Variants in LHFPL3 observed in about 807,000 individuals in gnomAD.
LHFPL3 encodes the protein LHFPL tetraspan subfamily member 3 protein.
Under a neutral mutation model 19.3 loss-of-function variants are expected in LHFPL3, and 5 were observed. That is an observed-to-expected ratio of 0.26 (90% confidence interval 0.14 to 0.54). The LOEUF (loss-of-function observed/expected upper bound fraction) is 0.54, where lower values mean the gene tolerates loss of function less well. LHFPL3 is among the 20% of genes least tolerant of loss of function. LHFPL3 has a pLI of 0.94. For missense variants in LHFPL3, 249 were observed against 307.4 expected (o/e 0.81, Z 1.42); for synonymous variants, 133 against 126.2 (o/e 1.05, Z -0.36).
intron 1 of LHFPL3, among the ~76,000 whole-genome samples, chr7:104,439,379 C>G (rs1792173708): frequency 7.9e-6 from 1 of 126,372 alleles, no homozygotes. Flanking sequence ...TCCTCATAAA[C>G]ATAGAAAAAA....
chr7:104,863,686 G>A (rs1286197071), intron 2 of LHFPL3, among the ~76,000 whole-genome samples: 1 of 152,230 alleles, frequency 6.6e-6, no homozygotes. Flanking sequence ...GTAGATAGAG[G>A]TGAGAACACC....
At chr7:104,660,361 T>C (rs576517981) in intron 1 of LHFPL3, among the ~76,000 whole-genome samples, 1 of 152,362 alleles carries the variant, frequency 6.6e-6, no homozygotes, top group South Asian at 2.1e-4. Flanking sequence ...AGCACAACCA[T>C]CCAGGTTTTG....
At chr7:104,655,677 G>A (rs1327438156) in intron 1 of LHFPL3, among the ~76,000 whole-genome samples, 1 of 152,224 alleles carries the variant, frequency 6.6e-6, no homozygotes, top group Non-Finnish European at 1.5e-5. Flanking sequence ...CTTTGGCAAG[G>A]TGCATCTTTT....
chr7:104,788,661 T>A (rs1047530775), intron 2 of LHFPL3, among the ~76,000 whole-genome samples: 2 of 152,220 alleles, frequency 1.3e-5, no homozygotes, highest in Non-Finnish European at 2.9e-5. Flanking sequence ...TCTCCCTGAC[T>A]TCCTCATGTG....
At chr7:104,878,544 C>A (rs183586012) in intron 2 of LHFPL3, among the ~76,000 whole-genome samples, 30 of 152,238 alleles carry the variant, frequency 2.0e-4, no homozygotes, top group South Asian at 1.2e-3. Flanking sequence ...CACTAACCAG[C>A]CATTCCCCCA....
chr7:104,611,243 G>T (rs934968997), intron 1 of LHFPL3, among the ~76,000 whole-genome samples: 1 of 152,204 alleles, frequency 6.6e-6, no homozygotes, highest in African/African-American at 2.4e-5. Flanking sequence ...CTCACAGCAA[G>T]ATATGAAGGA....
chr7:104,727,120 A>C (rs1423237107), intron 1 of LHFPL3, among the ~76,000 whole-genome samples: 2 of 152,196 alleles, frequency 1.3e-5, no homozygotes, highest in African/African-American at 4.8e-5. Context: ...AGCTGCATAA[A>C]TATCTTCTTT....
chr7:104,617,076 T>C (rs944758085), intron 1 of LHFPL3, among the ~76,000 whole-genome samples: 1 of 152,146 alleles, frequency 6.6e-6, no homozygotes, highest in Non-Finnish European at 1.5e-5. Context: ...GTTCAACTAT[T>C]GTGGAAGACA....
At chr7:104,403,080 G>A (rs963876966) in intron 1 of LHFPL3, among the ~76,000 whole-genome samples, 11 of 152,184 alleles carry the variant, frequency 7.2e-5, no homozygotes, top group Non-Finnish European at 8.8e-5. Context: ...TAATGCATGC[G>A]GGGCTTAAAA....
intron 2 of LHFPL3, among the ~76,000 whole-genome samples, chr7:104,828,022 G>C (rs1175292219): frequency 6.6e-6 from 1 of 151,912 alleles, no homozygotes; most frequent in Non-Finnish European, 1.5e-5. Context: ...ACATTCTTCT[G>C]TGGACTAGAC....
intron 2 of LHFPL3, chr7:104,744,061 A>G (rs1048663776): frequency 1.3e-5 from 2 of 151,100 alleles, no homozygotes; most frequent in African/African-American, 4.9e-5. Context: ...ATGTTGCCCA[A>G]CTGGTCTCGC....
chr7:104,440,436 G>A lies in LHFPL3; in HGVS notation c.445+111212G>A, dbSNP rs1024384648. Among the ~76,000 whole-genome samples, 3 of 149,976 alleles carry A rather than the reference G, an allele frequency of 2.0e-5. No homozygotes were observed. The Admixed American group carries it at 2.0e-4, about 10-fold the overall frequency. The stretch of plus-strand genomic sequence containing the variant: ...TCGTGGGGTGGGGGGAGTGGGGAGG[G>A]ATAGCATTAGGAGATATACCTAATG... On this transcript the variant is annotated intron_variant, in intron 1 of 2. Transcript: ENST00000424859.
At chr7:104,861,134 T>G (rs73184009) in intron 2 of LHFPL3, among the ~76,000 whole-genome samples, 15,285 of 152,230 alleles carry the variant, frequency 0.1, 995 homozygotes, top group Non-Finnish European at 0.15. Flanking sequence ...AAGCCAGATA[T>G]TTTTCATCTA....
chr7:104,699,013 G>A (rs986574436), intron 1 of LHFPL3, among the ~76,000 whole-genome samples: 8 of 152,076 alleles, frequency 5.3e-5, no homozygotes, highest in Non-Finnish European at 5.9e-5. Flanking sequence ...CAGTATAATT[G>A]GTATTATTTT....
At chr7:104,857,342 TC>T (rs1472540874) in intron 2 of LHFPL3, among the ~76,000 whole-genome samples, 1 of 152,178 alleles carries the variant, frequency 6.6e-6, no homozygotes, top group African/African-American at 2.4e-5. Flanking sequence ...ATATCATACA[TC>T]CAACTAATTT....
At chr7:104,671,092 G>A (rs1375455924) in intron 1 of LHFPL3, among the ~76,000 whole-genome samples, 9 of 152,032 alleles carry the variant, frequency 5.9e-5, no homozygotes, top group Non-Finnish European at 7.4e-5. Flanking sequence ...CCATGCAGGG[G>A]TGTTGGTTTA....
chr7:104,362,178 A>G (rs558332559), intron 1 of LHFPL3, among the ~76,000 whole-genome samples: 1 of 152,316 alleles, frequency 6.6e-6, no homozygotes, highest in East Asian at 1.9e-4. Context: ...CCTCAGAAAT[A>G]ATAGTGAGAG....
intron 1 of LHFPL3, among the ~76,000 whole-genome samples, chr7:104,604,898 A>C (rs1389289901): frequency 2.6e-5 from 4 of 152,336 alleles, no homozygotes; most frequent in African/African-American, 9.6e-5. Context: ...CAGGACTGTC[A>C]GTCTCCAGGG....
chr7:104,730,501 G>A (rs1203831611), intron 1 of LHFPL3, among the ~76,000 whole-genome samples: 1 of 152,132 alleles, frequency 6.6e-6, no homozygotes, highest in African/African-American at 2.4e-5. Context: ...GCCAGTGATG[G>A]TGAGCATTTT....
Sources: allele counts gnomAD v4.1 joint callset (sites outside exome capture counted in the v4.1 genomes callset), GRCh38; gene constraint gnomAD v4.1.1; transcripts MANE v1.5; gene names NCBI Gene and HGNC (gene_info 2026-07-23, HGNC 2026-07-21).